Variants in GRIP1 observed in about 807,000 individuals in gnomAD.
GRIP1 encodes the protein glutamate receptor-interacting protein 1.
Under a neutral mutation model 129.9 loss-of-function variants are expected in GRIP1, and 45 were observed. The observed-to-expected ratio is 0.35, with a 90% CI of 0.27 to 0.44. The LOEUF is 0.44. Ranked by LOEUF, GRIP1 falls within the 20% of genes least tolerant of loss-of-function variation. The probability of loss-of-function intolerance (pLI) is 1.00; values close to 1 mark genes in which losing one functional copy is unlikely to be tolerated. For synonymous variants in GRIP1, 530 were observed against 520.8 expected, an observed-to-expected ratio of 1.02 and a Z score of -0.24; for missense variants, 1,196 against 1,396.8, an observed-to-expected ratio of 0.86 and a Z score of 2.29.
chr12:66,949,842 A>G (rs1319326951), intron 1 of GRIP1, among the ~76,000 whole-genome samples: 1 of 135,682 alleles, frequency 7.4e-6, no homozygotes, highest in Non-Finnish European at 1.5e-5. Context: ...ATCTCGGCTC[A>G]CTGCAAGCTC....
chr12:66,880,791 G>T (rs563757279), intron 1 of GRIP1, among the ~76,000 whole-genome samples: 1 of 152,032 alleles, frequency 6.6e-6, no homozygotes, highest in Non-Finnish European at 1.5e-5. Flanking sequence ...CTGATTAACC[G>T]ACCTGTACAT....
intron 7 of GRIP1, among the ~76,000 whole-genome samples, chr12:66,478,996 T>C (rs2059714702): frequency 1.3e-5 from 2 of 151,694 alleles, no homozygotes; most frequent in Non-Finnish European, 2.9e-5. Flanking sequence ...ACCTGCACGT[T>C]GTGCACATGT....
At position 66,549,256 on chromosome 12, in the gene GRIP1, G is replaced by A. The variant is rs549300230; in HGVS notation, c.137-7306C>T. Among the ~76,000 whole-genome samples the A allele has an allele frequency of 2.6e-5, 4 of 152,254 alleles. No homozygotes were observed. In the South Asian group the frequency reaches 6.2e-4, roughly 24 times the overall value. On this transcript the variant is annotated intron_variant, in intron 2 of 24. Transcript: ENST00000359742. The stretch of plus-strand genomic sequence containing the variant: ...AATTATAATGGGGTGGTGAGCATCA[G>A]CTTGTGGCAAACAGAATTATTGCTG...
chr12:66,446,675 C>A (rs1457589493), intron 11 of GRIP1, among the ~76,000 whole-genome samples: 2 of 152,138 alleles, frequency 1.3e-5, no homozygotes, highest in African/African-American at 2.4e-5. Flanking sequence ...CTTAGTCTGC[C>A]TCCTCTAACC....
At chr12:66,478,574 C>G (rs1400437390) in intron 7 of GRIP1, among the ~76,000 whole-genome samples, 1 of 152,154 alleles carries the variant, frequency 6.6e-6, no homozygotes, top group East Asian at 1.9e-4. Flanking sequence ...AAGACACATG[C>G]ACACGTATGT....
intron 7 of GRIP1, among the ~76,000 whole-genome samples, chr12:66,472,540 G>A (rs1046906261): frequency 8.5e-5 from 13 of 152,200 alleles, no homozygotes; most frequent in African/African-American, 3.1e-4. Flanking sequence ...TGGCAAGATG[G>A]TCAAATAGGA....
intron 1 of GRIP1, among the ~76,000 whole-genome samples, chr12:66,980,552 A>G (rs1400345670): frequency 2.0e-5 from 3 of 152,238 alleles, no homozygotes; most frequent in Non-Finnish European, 4.4e-5. Flanking sequence ...CAGAGGTTGC[A>G]GTGAGCCAAG....
chr12:66,588,054 G>A (rs2063709780), intron 2 of GRIP1, among the ~76,000 whole-genome samples: 1 of 151,612 alleles, frequency 6.6e-6, no homozygotes, highest in Admixed American at 6.6e-5. Context: ...GACTGACTAT[G>A]ATGCCACAGA....
At chr12:66,694,906 G>T (rs1299879587) in intron 1 of GRIP1, among the ~76,000 whole-genome samples, 5 of 152,144 alleles carry the variant, frequency 3.3e-5, no homozygotes, top group Non-Finnish European at 7.4e-5. Flanking sequence ...GCAGGCTGAG[G>T]GTATGGCTAA....
chr12:66,680,676 C>T (rs936185165), upstream of GRIP1, among the ~76,000 whole-genome samples: 7 of 152,122 alleles, frequency 4.6e-5, no homozygotes, highest in African/African-American at 1.7e-4. Flanking sequence ...TACTAGAGAA[C>T]TGAGTTACTA....
intron 1 of GRIP1, among the ~76,000 whole-genome samples, chr12:66,744,959 T>C (rs185234648): frequency 1.9e-3 from 285 of 152,270 alleles, no homozygotes; most frequent in Non-Finnish European, 2.2e-3. Context: ...TAACAATCAT[T>C]CTGGTCCTAT....
chr12:66,377,182 C>G lies in GRIP1; in HGVS notation c.2725G>C (p.Glu909Gln). Residue 909 changes from glutamate to glutamine, a missense_variant, in exon 21 of 25, where the codon GAA becomes CAA. Glu to Gln is a conservative substitution (Grantham distance 29). Coordinates refer to ENST00000359742, the MANE Select transcript of GRIP1 (RefSeq NM_001366722.1). Reference protein sequence around the residue: ...ETCGQSGILRELEEKADRRVS... With the variant: ...ETCGQSGILRQLEEKADRRVS... ...AGCAGGACCAAGGCTACCTCCAGTT[C>G]TCTCAGAATTCCTGACTGTCCGCAG... The G allele has an allele frequency of 6.2e-7, 1 of 1,606,414 alleles. No homozygotes were observed. Among genetic ancestry groups the G allele is most frequent in the Non-Finnish European group, 8.5e-7 (1 of 1,172,936 alleles).
chr12:66,723,407 G>C (rs1032185492), intron 1 of GRIP1, among the ~76,000 whole-genome samples: 2 of 148,184 alleles, frequency 1.3e-5, no homozygotes, highest in Non-Finnish European at 3.0e-5. Context: ...CCACCTCCTG[G>C]GTTCAAGCAA....
intron 2 of GRIP1, among the ~76,000 whole-genome samples, chr12:66,570,670 G>C (rs949773774): frequency 6.6e-6 from 1 of 152,110 alleles, no homozygotes; most frequent in Non-Finnish European, 1.5e-5. Flanking sequence ...ACCTTAACTG[G>C]CACAGGCTTC....
chr12:67,035,315 C>T (rs1377747660), intron 1 of GRIP1, among the ~76,000 whole-genome samples: 4 of 152,176 alleles, frequency 2.6e-5, no homozygotes, highest in Non-Finnish European at 5.9e-5. Context: ...CTCAGCCCCC[C>T]TCAGCAGGGT....
At position 66,725,079 on chromosome 12, in the gene GRIP1, CT is replaced by C. The variant is rs559379674; in HGVS notation, c.-420+78973del. On this transcript the variant is annotated intron_variant, in intron 1 of 4. Transcript: ENST00000538373. ...GGCCAAGGCAGGTGGGTTACTTAAG[CT>C]CAGGAGTTCAAGACTAGCCTGGGCA... Among the ~76,000 whole-genome samples, 262 of 152,254 alleles carry C rather than the reference CT, an allele frequency of 1.7e-3. 1 individual carries two copies. Among genetic ancestry groups the C allele is most frequent in the Non-Finnish European group, 2.9e-3 (195 of 68,030 alleles).
At chr12:66,979,590 T>C (rs2042214397) in intron 1 of GRIP1, among the ~76,000 whole-genome samples, 1 of 152,126 alleles carries the variant, frequency 6.6e-6, no homozygotes, top group African/African-American at 2.4e-5. Flanking sequence ...AGAGACACTA[T>C]GTTATGGGTT....
At chr12:66,968,530 C>T (rs1476195195) in intron 1 of GRIP1, among the ~76,000 whole-genome samples, 1 of 151,828 alleles carries the variant, frequency 6.6e-6, no homozygotes, top group Admixed American at 6.6e-5. Flanking sequence ...TTTCTTTTAA[C>T]TTTTTTAGTG....
At chr12:66,540,824 C>T (rs751384110) in intron 3 of GRIP1, among the ~76,000 whole-genome samples, 34 of 152,144 alleles carry the variant, frequency 2.2e-4, no homozygotes, top group African/African-American at 3.4e-4. Flanking sequence ...GATGGAGTTT[C>T]GCTGCTGTTG....
Sources: gnomAD v4.1 joint callset for allele counts (sites outside exome capture counted in the v4.1 genomes callset) on GRCh38, gnomAD v4.1.1 for gene constraint, MANE v1.5 for transcripts, NCBI Gene and HGNC (gene_info 2026-07-23, HGNC 2026-07-21) for gene names.